Variants in LGR6 observed in about 807,000 individuals in gnomAD.
LGR6 encodes the protein leucine-rich repeat-containing G protein-coupled receptor 6.
A neutral mutation model predicts 69.4 loss-of-function variants in LGR6; 45 were observed. The observed-to-expected ratio is 0.65, with a 90% CI of 0.51 to 0.83. The LOEUF is 0.83. Among genes scored for constraint, LGR6 ranks in the 40% least tolerant of loss-of-function variants. LGR6 has a pLI of 0.00. For missense variants in LGR6, 1,108 were observed against 1,246.7 expected (o/e 0.89, Z 1.68); for synonymous variants, 538 against 555.0 (o/e 0.97, Z 0.43).
At chr1:202,281,294 A>G (rs933058432) in intron 6 of LGR6, among the ~76,000 whole-genome samples, 1 of 152,324 alleles carries the variant, frequency 6.6e-6, no homozygotes, top group Admixed American at 6.5e-5. Context: ...GTAATACTGC[A>G]GAGTAATGCT....
At chr1:202,240,311 T>C (rs899880949) in intron 4 of LGR6, among the ~76,000 whole-genome samples, 63 of 150,208 alleles carry the variant, frequency 4.2e-4, no homozygotes, top group African/African-American at 1.2e-3. Flanking sequence ...GAGGCAGAGG[T>C]TGCAGTGAGT....
chr1:202,263,163 C>T (rs1268877203), intron 4 of LGR6, among the ~76,000 whole-genome samples: 1 of 152,014 alleles, frequency 6.6e-6, no homozygotes, highest in African/African-American at 2.4e-5. Flanking sequence ...CACTCTGTTG[C>T]CCAGGCTGGA....
intron 4 of LGR6, among the ~76,000 whole-genome samples, chr1:202,249,898 T>C (rs962165766): frequency 2.0e-5 from 3 of 152,310 alleles, no homozygotes; most frequent in Admixed American, 2.0e-4. Context: ...GCCAGATGGA[T>C]CTTAAGACAC....
chr1:202,314,713 A>G, intron 16 of LGR6, 89 bp from the exon 17 acceptor site: 1 of 871,170 alleles, frequency 1.1e-6, no homozygotes, highest in Non-Finnish European at 2.0e-6. Context: ...TTAGTAAGGG[A>G]CATCTTAAAG....
At chr1:202,205,030 T>TCCCTCAAACACACACA (rs1362410379) in intron 1 of LGR6, among the ~76,000 whole-genome samples, 623 of 12,016 alleles carry the variant, frequency 0.052, 40 homozygotes, top group East Asian at 0.079. Context: ...CTCACACACC[T>TCCCTCAAACACACACA]CCTTCAAACA....
At chr1:202,237,337 C>G (rs1448848440) in intron 4 of LGR6, among the ~76,000 whole-genome samples, 1 of 152,254 alleles carries the variant, frequency 6.6e-6, no homozygotes, top group African/African-American at 2.4e-5. Flanking sequence ...TTGCTCCCCA[C>G]CCGCAGGGGC....
intron 4 of LGR6, among the ~76,000 whole-genome samples, chr1:202,257,597 C>G (rs1367615600): frequency 6.6e-6 from 1 of 152,106 alleles, no homozygotes; most frequent in East Asian, 1.9e-4. Flanking sequence ...ATTGAATTGT[C>G]TTAGCACTGT....
intron 17 of LGR6, among the ~76,000 whole-genome samples, chr1:202,316,044 A>G (rs1020258519): frequency 2.0e-5 from 3 of 152,260 alleles, no homozygotes; most frequent in African/African-American, 2.4e-5. Context: ...TTTGAGTAAT[A>G]TAAAAATATT....
intron 4 of LGR6, among the ~76,000 whole-genome samples, chr1:202,260,895 T>C (rs1664179278): frequency 6.6e-6 from 1 of 152,148 alleles, no homozygotes; most frequent in African/African-American, 2.4e-5. Flanking sequence ...AGGTCAGCCT[T>C]ATCATTTTAT....
chr1:202,253,997 G>A (rs1190576884), intron 4 of LGR6, among the ~76,000 whole-genome samples: 7 of 150,922 alleles, frequency 4.6e-5, no homozygotes, highest in African/African-American at 1.7e-4. Flanking sequence ...AGTAGAGACG[G>A]GGTTTCACCG....
At chr1:202,244,450 T>G (rs1346299333) in intron 4 of LGR6, among the ~76,000 whole-genome samples, 1 of 152,182 alleles carries the variant, frequency 6.6e-6, no homozygotes, top group Non-Finnish European at 1.5e-5. Context: ...TAAACCAAGG[T>G]GTCAGCAGAG....
intron 4 of LGR6, among the ~76,000 whole-genome samples, chr1:202,239,168 C>G (rs1391501584): frequency 3.3e-5 from 5 of 152,166 alleles, no homozygotes; most frequent in African/African-American, 1.2e-4. Flanking sequence ...TCTTTTCCTG[C>G]TTCTGCTGTC....
At chr1:202,265,009 G>C (rs543411550) in intron 4 of LGR6, among the ~76,000 whole-genome samples, 1 of 152,278 alleles carries the variant, frequency 6.6e-6, no homozygotes, top group African/African-American at 2.4e-5. Context: ...ACAGTGAGGG[G>C]AAGGATCTTA....
intron 6 of LGR6, among the ~76,000 whole-genome samples, chr1:202,284,961 C>G (rs1465044632): frequency 1.3e-5 from 2 of 152,226 alleles, no homozygotes; most frequent in African/African-American, 4.8e-5. Context: ...GGACACTTCC[C>G]TTTGGAGGAG....
chr1:202,213,266 C>T (rs1369733812), intron 1 of LGR6, among the ~76,000 whole-genome samples: 2 of 152,190 alleles, frequency 1.3e-5, no homozygotes, highest in African/African-American at 2.4e-5. Flanking sequence ...ACACTGCCAC[C>T]TTAGGGGTCC....
At chr1:202,265,608 A>G (rs1420588346) in intron 4 of LGR6, among the ~76,000 whole-genome samples, 2 of 152,178 alleles carry the variant, frequency 1.3e-5, no homozygotes, top group Non-Finnish European at 2.9e-5. Context: ...CTCAAAGAAC[A>G]CCGGACTCAA....
Position 202,305,848 on chromosome 1 carries a change from C to T in LGR6, c.1136+99C>T, listed in dbSNP as rs1014663020. The T allele has an allele frequency of 2.0e-5, 18 of 916,516 alleles. No individual in the cohort carries two copies. In the Admixed American group the frequency reaches 3.3e-4, roughly 17 times the overall value. 56.8% of individuals were successfully genotyped at this position (916,516 alleles called of 1,614,324 possible). A position where few individuals can be genotyped will look rare whatever the true frequency, so the allele number is the denominator to read the frequency against. On this transcript the variant is annotated intron_variant, in intron 12 of 17. Coordinates refer to ENST00000367278, the MANE Select transcript of LGR6 (RefSeq NM_001017403.2). ...GGGGGCATCAGTAAGGGCCAATGCA[C>T]ACTTTGACATTTCTTCCTTCTCTTT... is the stretch of plus-strand genomic sequence containing the variant.
At chr1:202,237,194 C>T (rs1328509312) in intron 4 of LGR6, among the ~76,000 whole-genome samples, 2 of 152,230 alleles carry the variant, frequency 1.3e-5, no homozygotes, top group Non-Finnish European at 2.9e-5. Context: ...CCCCCCCTTC[C>T]CAATGAGTGC....
chr1:202,218,633 C>T (rs1319277945), intron 1 of LGR6, among the ~76,000 whole-genome samples: 2 of 152,152 alleles, frequency 1.3e-5, no homozygotes, highest in Non-Finnish European at 2.9e-5. Flanking sequence ...AACTGCTCAT[C>T]CACAATGCCA....
Sources: gnomAD v4.1 joint callset for allele counts (sites outside exome capture counted in the v4.1 genomes callset) on GRCh38, gnomAD v4.1.1 for gene constraint, MANE v1.5 for transcripts, NCBI Gene and HGNC (gene_info 2026-07-23, HGNC 2026-07-21) for gene names.